Variants in ERBB4 observed in about 807,000 individuals in gnomAD.
ERBB4 encodes receptor tyrosine-protein kinase erbB-4.
A neutral mutation model predicts 158.0 loss-of-function variants in ERBB4; 42 were observed. The observed-to-expected ratio is 0.27, with a 90% CI of 0.21 to 0.34. The LOEUF (loss-of-function observed/expected upper bound fraction) is 0.34. Ranked by LOEUF, ERBB4 falls within the 10% of genes least tolerant of loss-of-function variation. The pLI is 1.00. For synonymous variants in ERBB4, 583 were observed against 558.7 expected, an observed-to-expected ratio of 1.04 and a Z score of -0.61; for missense variants, 1,333 against 1,624.1, an observed-to-expected ratio of 0.82 and a Z score of 3.08.
intron 1 of ERBB4, among the ~76,000 whole-genome samples, chr2:212,521,818 A>G (rs1395535341): frequency 6.6e-6 from 1 of 151,814 alleles, no homozygotes; most frequent in Non-Finnish European, 1.5e-5. Context: ...CCTCTATTTT[A>G]CTCCTTGCAA....
intron 3 of ERBB4, among the ~76,000 whole-genome samples, chr2:211,888,146 A>G (rs1336254234): frequency 2.0e-5 from 3 of 152,208 alleles, no homozygotes; most frequent in African/African-American, 2.4e-5. Flanking sequence ...ACATGAGGCT[A>G]CTTTTTCAGT....
At chr2:212,115,351 CA>C (rs1476701626) in intron 2 of ERBB4, among the ~76,000 whole-genome samples, 2 of 150,440 alleles carry the variant, frequency 1.3e-5, no homozygotes, top group Non-Finnish European at 3.0e-5. Flanking sequence ...TGAAAGAAAA[CA>C]AAGTGTTTCA....
chr2:212,477,984 T>C (rs1689491889), intron 1 of ERBB4, among the ~76,000 whole-genome samples: 1 of 152,160 alleles, frequency 6.6e-6, no homozygotes, highest in Non-Finnish European at 1.5e-5. Flanking sequence ...CTTATTGGGC[T>C]GTGTCATTCA....
At chr2:212,511,352 A>G (rs1691509494) in intron 1 of ERBB4, among the ~76,000 whole-genome samples, 1 of 152,196 alleles carries the variant, frequency 6.6e-6, no homozygotes, top group Non-Finnish European at 1.5e-5. Context: ...GCTTCACCTA[A>G]AATTCAAGTG....
chr2:212,055,493 C>A (rs4672632), intron 2 of ERBB4, among the ~76,000 whole-genome samples: 18,187 of 152,278 alleles, frequency 0.12, 1,580 homozygotes, highest in South Asian at 0.3. Context: ...AAGTGGGTAC[C>A]TGACCCCCGA....
intron 19 of ERBB4, among the ~76,000 whole-genome samples, chr2:211,592,982 C>T (rs1311431153): frequency 6.7e-6 from 1 of 149,756 alleles, no homozygotes; most frequent in Non-Finnish European, 1.5e-5. Context: ...CACTGCACTC[C>T]AGCCCAGGAT....
chr2:211,943,722 C>T (rs1190642762), intron 3 of ERBB4, among the ~76,000 whole-genome samples: 1 of 151,974 alleles, frequency 6.6e-6, no homozygotes. Context: ...AGCAGTAAAA[C>T]AAGTTTTTCT....
At chr2:212,295,742 G>A (rs978630852) in intron 1 of ERBB4, among the ~76,000 whole-genome samples, 1 of 152,056 alleles carries the variant, frequency 6.6e-6, no homozygotes, top group Non-Finnish European at 1.5e-5. Context: ...CAAGTACATA[G>A]TAGCTGCACA....
intron 3 of ERBB4, among the ~76,000 whole-genome samples, chr2:211,819,556 T>C (rs1430311063): frequency 6.6e-6 from 1 of 152,024 alleles, no homozygotes; most frequent in Non-Finnish European, 1.5e-5. Flanking sequence ...GGAGTATTTC[T>C]GCATCTTTAG....
chr2:212,507,108 T>C, intron 1 of ERBB4, among the ~76,000 whole-genome samples: 1 of 152,112 alleles, frequency 6.6e-6, no homozygotes, highest in South Asian at 2.1e-4. Context: ...ACTCTGCCTG[T>C]GCTCTATATG....
At position 212,373,950 on chromosome 2, in the gene ERBB4, T is replaced by TCATATATATATCCATATATATC. The variant is rs1560147125; in HGVS notation, c.82+164477_82+164498dup. Among the ~76,000 whole-genome samples, 228 of 64,582 alleles carry TCATATATATATCCATATATATC rather than the reference T, an allele frequency of 3.5e-3. 33 individuals carry two copies. The highest frequency in any genetic ancestry group is 0.015 in the African/African-American group (212 of 14,414). 42.4% of individuals were successfully genotyped at this position (64,582 alleles called of 152,430 possible). A position where few individuals can be genotyped will look rare whatever the true frequency, so the allele number is the denominator to read the frequency against. ...ATATCCATATATATCCATATATATATCATATATATATCCATATATATCCAT... is the reference window on the plus strand; with the variant it reads ...ATATCCATATATATCCATATATATATCATATATATATCCATATATATCCATATATATATCCATATATATCCAT... On this transcript the variant is annotated intron_variant, in intron 1 of 27. Transcript: ENST00000342788.
chr2:212,188,773 C>G (rs2082104211), intron 1 of ERBB4, among the ~76,000 whole-genome samples: 1 of 151,866 alleles, frequency 6.6e-6, no homozygotes, highest in Non-Finnish European at 1.5e-5. Flanking sequence ...CAAGATTCCT[C>G]AGACTAGGTG....
intron 1 of ERBB4, among the ~76,000 whole-genome samples, chr2:212,473,232 C>T (rs1201680726): frequency 6.6e-6 from 1 of 151,910 alleles, no homozygotes; most frequent in East Asian, 1.9e-4. Context: ...ATCTTTCTGA[C>T]AGGCTCGGGG....
chr2:211,855,510 A>G (rs1226142271), intron 3 of ERBB4, among the ~76,000 whole-genome samples: 1 of 152,174 alleles, frequency 6.6e-6, no homozygotes, highest in Non-Finnish European at 1.5e-5. Flanking sequence ...CTATGGTGTG[A>G]GATTTGAATC....
chr2:212,245,637 T>C (rs1258544787), intron 1 of ERBB4, among the ~76,000 whole-genome samples: 1 of 152,154 alleles, frequency 6.6e-6, no homozygotes, highest in Admixed American at 6.6e-5. Flanking sequence ...TTTCCCATTA[T>C]GGAAAAACAT....
At chr2:211,458,742 C>A (rs2064452980) in intron 20 of ERBB4, among the ~76,000 whole-genome samples, 1 of 152,156 alleles carries the variant, frequency 6.6e-6, no homozygotes, top group Admixed American at 6.5e-5. Context: ...TCAAGCTTTG[C>A]TTTCAGGGGA....
intron 3 of ERBB4, among the ~76,000 whole-genome samples, chr2:211,852,340 G>A (rs2077739321): frequency 6.6e-6 from 1 of 151,994 alleles, no homozygotes; most frequent in South Asian, 2.1e-4. Flanking sequence ...ATGATTGATA[G>A]TATGCTGAAT....
intron 19 of ERBB4, among the ~76,000 whole-genome samples, chr2:211,601,381 T>C (rs1371515133): frequency 6.6e-6 from 1 of 151,890 alleles, no homozygotes; most frequent in Non-Finnish European, 1.5e-5. Context: ...TTATCAAAGA[T>C]GCCATGGGAT....
intron 15 of ERBB4, chr2:211,658,034 A>T (rs1350683911): frequency 6.8e-7 from 1 of 1,478,394 alleles, no homozygotes; most frequent in South Asian, 1.1e-5. Context: ...AAGGGGAAAA[A>T]ATTAGTCATT....
Sources: allele counts gnomAD v4.1 joint callset (sites outside exome capture counted in the v4.1 genomes callset), GRCh38; gene constraint gnomAD v4.1.1; transcripts MANE v1.5; gene names NCBI Gene and HGNC (gene_info 2026-07-23, HGNC 2026-07-21).